DIAPH3: variants seen among roughly 807,000 people sequenced by gnomAD.
The protein encoded by DIAPH3 is protein diaphanous homolog 3.
In DIAPH3, 117 loss-of-function variants were observed where a neutral mutation model predicts 144.3. The ratio of observed to expected loss-of-function variants is 0.81; its 90% CI spans 0.70 to 0.95. The LOEUF is 0.95. Ranked by LOEUF, DIAPH3 falls within the 40% of genes least tolerant of loss-of-function variation. DIAPH3 has a pLI of 0.00. For missense variants in DIAPH3, 1,421 were observed against 1,412.7 expected (o/e 1.01, Z -0.09); for synonymous variants, 519 against 488.9 (o/e 1.06, Z -0.81).
chr13:59,792,545 C>T (rs866087816), intron 25 of DIAPH3, among the ~76,000 whole-genome samples: 3 of 152,182 alleles, frequency 2.0e-5, no homozygotes, highest in Admixed American at 6.5e-5. Flanking sequence ...TTCCCATCAC[C>T]GACTTCCTTG....
intron 27 of DIAPH3, among the ~76,000 whole-genome samples, chr13:59,698,422 G>GA (rs1315059134): frequency 2.0e-5 from 3 of 151,482 alleles, no homozygotes; most frequent in Admixed American, 6.6e-5. Context: ...ACTAATAAAA[G>GA]AAAAAAAATA....
intron 17 of DIAPH3, among the ~76,000 whole-genome samples, chr13:59,938,463 G>A (rs1157313244): frequency 6.6e-6 from 1 of 152,126 alleles, no homozygotes; most frequent in Non-Finnish European, 1.5e-5. Context: ...GTAAAAATTA[G>A]CTGGGCATAG....
intron 21 of DIAPH3, among the ~76,000 whole-genome samples, chr13:59,865,423 A>G (rs1361631792): frequency 6.6e-6 from 1 of 152,088 alleles, no homozygotes; most frequent in Non-Finnish European, 1.5e-5. Flanking sequence ...AAGAAAATAA[A>G]ATATTTGCTT....
At chr13:60,020,740 T>C (rs143954819) in intron 5 of DIAPH3, among the ~76,000 whole-genome samples, 24 of 152,310 alleles carry the variant, frequency 1.6e-4, no homozygotes, top group African/African-American at 5.8e-4. Flanking sequence ...CTGAATAAAA[T>C]ATGTTCTCTG....
chr13:59,851,264 C>T (rs1307732703), intron 22 of DIAPH3, among the ~76,000 whole-genome samples: 1 of 152,204 alleles, frequency 6.6e-6, no homozygotes, highest in Non-Finnish European at 1.5e-5. Flanking sequence ...TGCTCCCCCT[C>T]TCTCCCTCTG....
At chr13:60,089,564 T>C (rs2057863148) in intron 4 of DIAPH3, among the ~76,000 whole-genome samples, 1 of 152,196 alleles carries the variant, frequency 6.6e-6, no homozygotes, top group Admixed American at 6.5e-5. Flanking sequence ...TGTTCTTACA[T>C]TTATTGGAAA....
Position 60,010,679 on chromosome 13 carries a change from T to C in DIAPH3, c.772-10A>G, listed in dbSNP as rs1406272199. On this transcript the variant is annotated splice_polypyrimidine_tract_variant and intron_variant, in intron 7 of 27. Transcript: ENST00000400324. ...TTCTTTCCAAGCCATACTATAATAT[T>C]TTGAAAATAAGAGGTCAAATGTTAG... 1.2e-6 allele frequency: 2 copies of C among 1,612,558 alleles called. No individual in the cohort carries two copies. The highest frequency in any genetic ancestry group is 2.7e-5 in the African/African-American group (2 of 74,826).
chr13:59,776,906 G>A (rs1303945921), intron 25 of DIAPH3, among the ~76,000 whole-genome samples: 2 of 152,166 alleles, frequency 1.3e-5, no homozygotes, highest in East Asian at 3.9e-4. Context: ...AGGTATTAAT[G>A]TAAGCTCAAG....
chr13:59,811,260 C>T (rs1423729323), intron 24 of DIAPH3, among the ~76,000 whole-genome samples: 1 of 151,612 alleles, frequency 6.6e-6, no homozygotes, highest in Non-Finnish European at 1.5e-5. Flanking sequence ...TATACATTTC[C>T]AAAAGTGTCT....
chr13:60,066,277 C>G (rs200463759), intron 4 of DIAPH3, among the ~76,000 whole-genome samples: 11 of 151,778 alleles, frequency 7.2e-5, no homozygotes, highest in East Asian at 3.8e-4. Context: ...AGAAAAATAT[C>G]CTATATATTA....
intron 25 of DIAPH3, among the ~76,000 whole-genome samples, chr13:59,779,024 A>G (rs192539072): frequency 1.3e-5 from 2 of 152,240 alleles, no homozygotes; most frequent in East Asian, 3.9e-4. Flanking sequence ...TTCCAATTGT[A>G]TCTCTTACTT....
intron 25 of DIAPH3, among the ~76,000 whole-genome samples, chr13:59,785,640 T>G (rs2038996176): frequency 6.6e-6 from 1 of 152,234 alleles, no homozygotes; most frequent in Non-Finnish European, 1.5e-5. Flanking sequence ...TCTTGTTCAC[T>G]AATATAGCAA....
At chr13:59,874,757 G>A (rs9317094) in intron 21 of DIAPH3, among the ~76,000 whole-genome samples, 83,781 of 151,980 alleles carry the variant, frequency 0.55, 24,564 homozygotes, top group East Asian at 0.73. Context: ...GTTATTACAC[G>A]TGGTAAAACT....
intron 20 of DIAPH3, among the ~76,000 whole-genome samples, chr13:59,890,794 G>C (rs1302786674): frequency 6.6e-6 from 1 of 151,756 alleles, no homozygotes; most frequent in Non-Finnish European, 1.5e-5. Flanking sequence ...GAGCTGTTTC[G>C]AGGCTATGTA....
intron 4 of DIAPH3, among the ~76,000 whole-genome samples, chr13:60,083,663 G>A (rs893445575): frequency 2.6e-5 from 4 of 152,058 alleles, no homozygotes; most frequent in African/African-American, 9.7e-5. Context: ...CAACAGTAGT[G>A]CATTTGTGGC....
chr13:60,040,113 G>A (rs1446598148), intron 5 of DIAPH3, among the ~76,000 whole-genome samples: 1 of 150,066 alleles, frequency 6.7e-6, no homozygotes, highest in Non-Finnish European at 1.5e-5. Context: ...TGTAATCCCA[G>A]CTACTCGGGA....
intron 3 of DIAPH3, among the ~76,000 whole-genome samples, chr13:60,110,372 T>C (rs555338322): frequency 8.5e-5 from 13 of 152,166 alleles, no homozygotes; most frequent in Admixed American, 3.3e-4. Flanking sequence ...AATAAAAATG[T>C]AACAGATACG....
chr13:59,734,004 T>A (rs2036018438), intron 27 of DIAPH3, among the ~76,000 whole-genome samples: 1 of 152,248 alleles, frequency 6.6e-6, no homozygotes, highest in African/African-American at 2.4e-5. Flanking sequence ...GGCTAATACA[T>A]ACATGCCTTC....
At chr13:59,802,944 A>C (rs61956707) in intron 25 of DIAPH3, among the ~76,000 whole-genome samples, 7,061 of 151,296 alleles carry the variant, frequency 0.047, 205 homozygotes, top group Non-Finnish European at 0.074. Context: ...TCGGCCTCCC[A>C]AAGTGCTGGG....
Sources: allele counts gnomAD v4.1 joint callset (sites outside exome capture counted in the v4.1 genomes callset), GRCh38; gene constraint gnomAD v4.1.1; transcripts MANE v1.5; gene names NCBI Gene and HGNC (gene_info 2026-07-23, HGNC 2026-07-21).